Variants in SEC14L6 observed in about 807,000 individuals in gnomAD.
The protein encoded by SEC14L6 is SEC14 like lipid binding 6.
SEC14L6 carries 40 observed loss-of-function variants against 54.1 expected under a neutral mutation model. The ratio of observed to expected loss-of-function variants is 0.74; its 90% CI spans 0.57 to 0.96. The LOEUF is 0.96. Among genes scored for constraint, SEC14L6 ranks in the 40% least tolerant of loss-of-function variants. SEC14L6 has a pLI of 0.00. For missense variants in SEC14L6, 471 were observed against 498.3 expected, an observed-to-expected ratio of 0.95 and a Z score of 0.52; for synonymous variants, 171 against 198.4, an observed-to-expected ratio of 0.86 and a Z score of 1.16.
At chr22:30,532,372 G>T (rs1259407707) in intron 5 of SEC14L6, 153 bp downstream of exon 5, 1 of 889,282 alleles carries the variant, frequency 1.1e-6, no homozygotes, top group African/African-American at 1.8e-5. Flanking sequence ...GTGGCCTTGG[G>T]TGGGTCCTTG....
chr22:30,530,709 A>G (rs766805309), intron 6 of SEC14L6, among the ~76,000 whole-genome samples: 5 of 152,198 alleles, frequency 3.3e-5, no homozygotes, highest in African/African-American at 9.6e-5. Context: ...GTGGCCAATA[A>G]CATTTTTTAT....
At chr22:30,545,005 C>T (rs1376469194) in intron 1 of SEC14L6, among the ~76,000 whole-genome samples, 3 of 152,140 alleles carry the variant, frequency 2.0e-5, no homozygotes, top group Admixed American at 2.0e-4. Context: ...CCCGGCACCT[C>T]CCACCCCGCA....
intron 6 of SEC14L6, among the ~76,000 whole-genome samples, chr22:30,530,222 C>T (rs1936924697): frequency 6.6e-6 from 1 of 151,982 alleles, no homozygotes; most frequent in Admixed American, 6.6e-5. Context: ...CCAGGCAGGG[C>T]AACATGGTGA....
rs180758175 is a variant in SEC14L6, at chr22:30,534,777, C to A, written c.131-738G>T. Among the ~76,000 whole-genome samples the A allele has an allele frequency of 2.0e-4, 30 of 152,192 alleles. 1 individual carries two copies. The East Asian group carries it at 5.6e-3, about 29-fold the overall frequency. On this transcript the variant is annotated intron_variant, in intron 2 of 11. Coordinates refer to ENST00000402034, the MANE Select transcript of SEC14L6 (RefSeq NM_001193336.4). Reference sequence around the variant, plus strand: ...CTATGGCTCATGCCTATAATCCCAGCATTTTTGGAGGCCAAGGTGGGCAGA... The same window carrying A: ...CTATGGCTCATGCCTATAATCCCAGAATTTTTGGAGGCCAAGGTGGGCAGA...
intron 2 of SEC14L6, among the ~76,000 whole-genome samples, chr22:30,536,711 G>A (rs2085605272): frequency 6.6e-6 from 1 of 152,098 alleles, no homozygotes; most frequent in Admixed American, 6.6e-5. Flanking sequence ...AGGAGGAGGA[G>A]GGAAAGAGAA....
Position 30,546,717 on chromosome 22 carries a change from G to T in SEC14L6, c.-35C>A. ...GAATGGGTCCAGGCTCCACTCTGTG[G>T]CTCCCTCCAGGTGGCCTGCCTTTTG... is the stretch of plus-strand genomic sequence containing the variant. On this transcript the variant is annotated 5_prime_UTR_variant, in exon 1 of 12. Transcript: ENST00000402034. 2 of 1,540,306 alleles carry T rather than the reference G, an allele frequency of 1.3e-6. No individual in the cohort carries two copies. The highest frequency in any genetic ancestry group is 1.8e-6 in the Non-Finnish European group (2 of 1,138,854).
Position 30,528,675 on chromosome 22 carries a change from C to T in SEC14L6, c.664+412G>A, listed in dbSNP as rs998753208. ...CTGAGCTCAAGCAATCTTCCTGTCTCGGCCTCCCAAAGTGCTGGGATTACA... is the reference window on the plus strand; with the variant it reads ...CTGAGCTCAAGCAATCTTCCTGTCTTGGCCTCCCAAAGTGCTGGGATTACA... On this transcript the variant is annotated intron_variant, in intron 8 of 11. Transcript: ENST00000402034. Among the ~76,000 whole-genome samples the T allele has an allele frequency of 2.6e-5, 4 of 151,966 alleles. No individual in the cohort carries two copies. The South Asian group carries it at 6.2e-4, about 24-fold the overall frequency.
Position 30,525,919 on chromosome 22 carries a change from C to G in SEC14L6, c.678G>C (p.Gln226His). The change falls in exon 9 of 12, where the codon CAG becomes CAC. Residue 226 changes from glutamine to histidine, a missense_variant. Transcript: ENST00000402034. ...KVVILGDNWK[Q>H]ELTKFISPDQ... is the part of the protein sequence containing the mutation. ...CGGGGCTGATGAATTTTGTCAGCTC[C>G]TGCTTCCAGTTGTCTGCATGGGAGC... 1.9e-6 allele frequency: 3 copies of G among 1,608,806 alleles called. No homozygotes were observed. The highest frequency in any genetic ancestry group is 2.5e-6 in the Non-Finnish European group (3 of 1,177,294).
rs928248834 is a variant in SEC14L6 at position 30,546,676 on chromosome 22, C to T, written c.7G>A (p.Gly3Arg). Residue 3 changes from glycine to arginine, a missense_variant, in exon 1 of 12, where the codon GGA becomes AGA. Gly to Arg is a moderately radical substitution (Grantham distance 125). Transcript: ENST00000402034. ...GATGGGCTCAGGTCACCCACTTGTC[C>T]ACTCATGCTGCCCATGAATGGGTCC... The part of the protein sequence containing the change: MS[G>R]QVGDLSPSQE... 1 of 1,550,532 alleles carries T rather than the reference C, an allele frequency of 6.4e-7. No individual in the cohort carries two copies. Among genetic ancestry groups the T allele is most frequent in the African/African-American group, 1.4e-5 (1 of 73,166 alleles).
At chr22:30,534,241 C>T (rs1937074047) in intron 2 of SEC14L6, among the ~76,000 whole-genome samples, 1 of 152,224 alleles carries the variant, frequency 6.6e-6, no homozygotes, top group Non-Finnish European at 1.5e-5. Flanking sequence ...ATTCCCTGGG[C>T]ATGCCCCTTG....
At chr22:30,543,336 G>C in intron 1 of SEC14L6, 1 of 1,572,120 alleles carries the variant, frequency 6.4e-7, no homozygotes, top group Non-Finnish European at 8.8e-7. Context: ...CACCCACCTT[G>C]GAGGTTACTC....
chr22:30,538,581 A>G (rs567574760), intron 2 of SEC14L6, among the ~76,000 whole-genome samples: 13 of 152,304 alleles, frequency 8.5e-5, no homozygotes, highest in East Asian at 7.7e-4. Flanking sequence ...TCCTGTCCCA[A>G]TCAAACCTTC....
intron 8 of SEC14L6, among the ~76,000 whole-genome samples, chr22:30,527,880 C>A (rs1295629963): frequency 6.6e-6 from 1 of 151,784 alleles, no homozygotes; most frequent in Admixed American, 6.6e-5. Context: ...AAAAATAATA[C>A]AAACAACCTG....
chr22:30,531,799 G>A, intron 6 of SEC14L6, 104 bp downstream of exon 6: 1 of 752,880 alleles, frequency 1.3e-6, no homozygotes, highest in Non-Finnish European at 2.2e-6. Context: ...TACTCACCTG[G>A]CAGTGAGGAG....
In SEC14L6 at chr22:30,529,110, C is replaced by T. The variant is rs754377152; in HGVS notation, c.641G>A (p.Arg214His). The change falls in exon 8 of 12, where the codon CGC becomes CAC. Residue 214 changes from arginine (R) to histidine (H), a missense_variant. Physicochemically the swap from Arg to His is conservative, Grantham distance 29. Coordinates refer to ENST00000402034, the MANE Select transcript of SEC14L6 (RefSeq NM_001193336.4). Reference sequence around the variant, plus strand: ...ACCTCCGAGAATCACCACCTTCCTGCGTGTCTCTTCACTCATGTAAGACTT... The same window carrying T: ...ACCTCCGAGAATCACCACCTTCCTGTGTGTCTCTTCACTCATGTAAGACTT... ...LVKSYMSEET[R>H]RKVVILGDNW... The T allele has an allele frequency of 2.9e-5, 45 of 1,551,020 alleles. No individual in the cohort carries two copies. The highest frequency in any genetic ancestry group is 6.9e-5 in the African/African-American group (5 of 72,992).
chr22:30,523,591 C>T lies in SEC14L6; in HGVS notation c.*1406G>A, dbSNP rs948206762. The T allele has an allele frequency of 6.6e-6, 1 of 152,232 alleles. No individual in the cohort carries two copies. Among genetic ancestry groups the T allele is most frequent in the Non-Finnish European group, 1.5e-5 (1 of 68,080 alleles). 9.4% of individuals were successfully genotyped at this position (152,232 alleles called of 1,614,324 possible). ...CAGGCTGGTCTCAAACTCCTGGCCT[C>T]GAGCAATCCACATGCCTCAGCCTCC... On this transcript the variant is annotated 3_prime_UTR_variant, in exon 12 of 12. Transcript: ENST00000402034.
Position 30,531,976 on chromosome 22 carries a change from A to T in SEC14L6, c.446T>A (p.Ile149Asn), listed in dbSNP as rs1936991290. The change falls in exon 6 of 12, where the codon ATC becomes AAC. Residue 149 changes from isoleucine (I) to asparagine (N), a missense_variant. Coordinates refer to ENST00000402034, the MANE Select transcript of SEC14L6 (RefSeq NM_001193336.4). The part of the protein sequence containing the change: ...SQKLGKRVEK[I>N]IAIFGLEGLG... The stretch of plus-strand genomic sequence containing the variant: ...CCCTTCGAGACCAAAAATAGCTATG[A>T]TTTTCTCCACCCTCTTCCCCAGCTG... The T allele has an allele frequency of 1.3e-6, 2 of 1,550,676 alleles. No homozygotes were observed. Among genetic ancestry groups the T allele is most frequent in the Non-Finnish European group, 1.7e-6 (2 of 1,146,990 alleles).
At chr22:30,527,844 G>A (rs1048715103) in intron 8 of SEC14L6, among the ~76,000 whole-genome samples, 1 of 151,000 alleles carries the variant, frequency 6.6e-6, no homozygotes, top group East Asian at 1.9e-4. Context: ...TATAAGGATC[G>A]TCACTACTCA....
chr22:30,532,810 C>T lies in SEC14L6; in HGVS notation c.221G>A (p.Trp74Ter). 6.2e-7 allele frequency: 1 copy of T among 1,613,552 alleles called. No homozygotes were observed. Among genetic ancestry groups the T allele is most frequent in the Non-Finnish European group, 8.5e-7 (1 of 1,179,872 alleles). The change falls in exon 4 of 12, where the codon TGG (tryptophan) becomes TAG (stop). Residue 74 changes from tryptophan to a stop codon, truncating the protein, a stop_gained. Transcript: ENST00000402034. LOFTEE classifies it high-confidence loss of function. Reference sequence around the variant, plus strand: ...AGAGATGCTCACCTCTGGGGGCTGCCAGGCAAGGATGTTGGCCAGGTCTTG... The same window carrying T: ...AGAGATGCTCACCTCTGGGGGCTGCTAGGCAAGGATGTTGGCCAGGTCTTG... ...KQQDLANILA[W>*]QPPEVVRLYN...
Sources: allele counts gnomAD v4.1 joint callset (sites outside exome capture counted in the v4.1 genomes callset), GRCh38; gene constraint gnomAD v4.1.1; transcripts MANE v1.5; gene names NCBI Gene and HGNC (gene_info 2026-07-23, HGNC 2026-07-21).